NF1: variants seen among roughly 807,000 people sequenced by gnomAD.
NF1 encodes the protein neurofibromin 1, also known as neurofibromin.
A neutral mutation model predicts 325.7 loss-of-function variants in NF1; 122 were observed. The ratio of observed to expected loss-of-function variants is 0.37; its 90% CI spans 0.32 to 0.44. The LOEUF (loss-of-function observed/expected upper bound fraction) is 0.44. NF1 is among the 20% of genes least tolerant of loss of function. The pLI is 1.00. For missense variants in NF1, 2,140 were observed against 3,415.4 expected (o/e 0.63, Z 9.31); for synonymous variants, 1,091 against 1,186.0 (o/e 0.92, Z 1.65).
At chr17:31,351,701 C>T (rs187968895) in intron 50 of NF1, among the ~76,000 whole-genome samples, 57 of 152,360 alleles carry the variant, frequency 3.7e-4, no homozygotes, top group African/African-American at 1.3e-3. Context: ...CAGGCGTGAG[C>T]CACAGCGCCC....
intron 8 of NF1, among the ~76,000 whole-genome samples, chr17:31,188,609 A>G (rs1452011100): frequency 6.6e-6 from 1 of 152,092 alleles, no homozygotes; most frequent in Admixed American, 6.5e-5. Context: ...ACTTGATTGG[A>G]TTGAAGGATA....
At chr17:31,287,924 A>T (rs567970617) in intron 36 of NF1, among the ~76,000 whole-genome samples, 74 of 98,878 alleles carry the variant, frequency 7.5e-4, no homozygotes, top group Non-Finnish European at 1.2e-3. Flanking sequence ...CACTCTGGGG[A>T]CTGTTGTGGG....
At chr17:31,253,868 G>A (rs1469949590) in intron 31 of NF1, 1 of 152,200 alleles carries the variant, frequency 6.6e-6, no homozygotes, top group Non-Finnish European at 1.5e-5. Context: ...TGTAGAGTAA[G>A]ATGTAAAGAA....
intron 29 of NF1, among the ~76,000 whole-genome samples, chr17:31,240,526 T>C (rs1255300004): frequency 6.6e-6 from 1 of 152,232 alleles, no homozygotes; most frequent in Non-Finnish European, 1.5e-5. Context: ...TTGTGAATAG[T>C]GCTGCAACAA....
chr17:31,288,137 T>A (rs1006761324), intron 36 of NF1, among the ~76,000 whole-genome samples: 27 of 151,372 alleles, frequency 1.8e-4, no homozygotes, highest in African/African-American at 3.9e-4. Flanking sequence ...ACAAAAAAAA[T>A]AAAAAATAAA....
chr17:31,164,872 G>T (rs1260335881), intron 4 of NF1, among the ~76,000 whole-genome samples: 6 of 152,084 alleles, frequency 3.9e-5, no homozygotes, highest in Admixed American at 1.3e-4. Context: ...ATAGAAAAAT[G>T]TTTTCATGAA....
intron 51 of NF1, among the ~76,000 whole-genome samples, chr17:31,353,160 C>T (rs916960921): frequency 6.6e-6 from 1 of 152,116 alleles, no homozygotes; most frequent in African/African-American, 2.4e-5. Context: ...ACACCCTCCT[C>T]GGCCTCCCAA....
intron 8 of NF1, among the ~76,000 whole-genome samples, chr17:31,184,214 T>G (rs1177937432): frequency 6.6e-6 from 1 of 152,174 alleles, no homozygotes; most frequent in Non-Finnish European, 1.5e-5. Context: ...AATAAATGCA[T>G]TTGACACTCC....
At chr17:31,352,690 A>C (rs953221481) in intron 51 of NF1, among the ~76,000 whole-genome samples, 1 of 152,044 alleles carries the variant, frequency 6.6e-6, no homozygotes, top group Non-Finnish European at 1.5e-5. Context: ...GCCAGCAGGG[A>C]ATGGGACTCT....
chr17:31,179,800 A>G (rs1471938094), intron 5 of NF1, among the ~76,000 whole-genome samples: 3 of 152,084 alleles, frequency 2.0e-5, no homozygotes, highest in Non-Finnish European at 4.4e-5. Context: ...AAAAAAATCA[A>G]TGAATCCAGG....
In NF1 at chr17:31,376,984, T is replaced by C. The variant is rs1048317; in HGVS notation, c.*2829T>C. The C allele has an allele frequency of 0.64, 149,512 of 233,060 alleles. 48,859 individuals are homozygous for C. The highest frequency in any genetic ancestry group is 0.77 in the African/African-American group (34,748 of 45,346). 14.4% of individuals were successfully genotyped at this position (233,060 alleles called of 1,614,324 possible). A position where few individuals can be genotyped will look rare whatever the true frequency, so the allele number is the denominator to read the frequency against. ...GTCAGCTTCTATCCTGTGTCCTAGT[T>C]GGGGAGACAGAGTGCCAGCCAGCAA... is the stretch of plus-strand genomic sequence containing the variant. On this transcript the variant is annotated 3_prime_UTR_variant, in exon 58 of 58. Coordinates refer to ENST00000358273, the MANE Select transcript of NF1 (RefSeq NM_001042492.3).
At chr17:31,166,551 C>T (rs1169258800) in intron 4 of NF1, among the ~76,000 whole-genome samples, 1 of 152,048 alleles carries the variant, frequency 6.6e-6, no homozygotes, top group East Asian at 1.9e-4. Flanking sequence ...TTTCTCAGTC[C>T]CAGCCTGTAT....
intron 1 of NF1, among the ~76,000 whole-genome samples, chr17:31,100,484 G>A (rs1041113922): frequency 2.0e-5 from 3 of 152,040 alleles, no homozygotes; most frequent in Non-Finnish European, 2.9e-5. Flanking sequence ...TCCAATTTTA[G>A]TATATGTGGT....
At chr17:31,098,360 T>C (rs2143181502) in intron 1 of NF1, among the ~76,000 whole-genome samples, 1 of 151,924 alleles carries the variant, frequency 6.6e-6, no homozygotes, top group African/African-American at 2.4e-5. Flanking sequence ...TTAGAAGACT[T>C]TATTTTATTT....
chr17:31,258,425 G>T lies in NF1; in HGVS notation c.4255G>T (p.Val1419Phe). ...MFLRFINPAIVSPYEAGILDK... is the reference protein window; with the variant it reads ...MFLRFINPAIFSPYEAGILDK... Reference sequence around the variant, plus strand: ...CCTCAGATTTATCAATCCTGCCATTGTCTCACCGTATGAAGCAGGGATTTT... The same window carrying T: ...CCTCAGATTTATCAATCCTGCCATTTTCTCACCGTATGAAGCAGGGATTTT... Residue 1419 changes from valine to phenylalanine, a missense_variant, in exon 32 of 58, where the codon GTC becomes TTC. Val to Phe is a conservative substitution (Grantham distance 50, BLOSUM62 -1). Transcript: ENST00000358273. 1 of 1,613,888 alleles carries T rather than the reference G, an allele frequency of 6.2e-7. No individual in the cohort carries two copies. Among genetic ancestry groups the T allele is most frequent in the Non-Finnish European group, 8.5e-7 (1 of 1,179,916 alleles).
chr17:31,192,816 T>C (rs2066369606), intron 8 of NF1, among the ~76,000 whole-genome samples: 1 of 152,202 alleles, frequency 6.6e-6, no homozygotes, highest in Non-Finnish European at 1.5e-5. Context: ...TAAGTCACGA[T>C]ATATAGCGTC....
chr17:31,267,000 C>T (rs10853137), intron 36 of NF1, among the ~76,000 whole-genome samples: 79,848 of 151,322 alleles, frequency 0.53, 25,024 homozygotes, highest in Middle Eastern at 0.75. Context: ...GGAGCGATCT[C>T]GGCTCACTGC....
At chr17:31,312,759 C>G (rs1418740421) in intron 36 of NF1, among the ~76,000 whole-genome samples, 1 of 152,042 alleles carries the variant, frequency 6.6e-6, no homozygotes, top group East Asian at 1.9e-4. Context: ...AGAAATCCTT[C>G]TAAGAGAAAG....
intron 36 of NF1, among the ~76,000 whole-genome samples, chr17:31,277,628 C>A (rs528650608): frequency 6.6e-6 from 1 of 151,968 alleles, no homozygotes; most frequent in Non-Finnish European, 1.5e-5. Context: ...TCAGCTGGCC[C>A]ATAGGGAATA....
Sources: allele counts gnomAD v4.1 joint callset (sites outside exome capture counted in the v4.1 genomes callset), GRCh38; gene constraint gnomAD v4.1.1; transcripts MANE v1.5; gene names NCBI Gene and HGNC (gene_info 2026-07-23, HGNC 2026-07-21).